The following NTRK2 variants were observed in gnomAD, a reference collection of about 807,000 sequenced individuals.
NTRK2 encodes the protein BDNF/NT-3 growth factors receptor.
A neutral mutation model predicts 94.5 loss-of-function variants in NTRK2; 13 were observed. The observed-to-expected ratio is 0.14, with a 90% CI of 0.09 to 0.22. NTRK2 has a LOEUF of 0.22. NTRK2 is among the 10% of genes least tolerant of loss of function. The pLI, the probability that NTRK2 is intolerant of heterozygous loss-of-function variation, is 1.00. For synonymous variants in NTRK2, 372 were observed against 407.4 expected (o/e 0.91, Z 1.05); for missense variants, 639 against 1,071.2 (o/e 0.60, Z 5.63).
intron 9 of NTRK2, among the ~76,000 whole-genome samples, chr9:84,740,285 C>T (rs2063548481): frequency 6.6e-6 from 1 of 152,150 alleles, no homozygotes; most frequent in Non-Finnish European, 1.5e-5. Flanking sequence ...TTGAGTTAGC[C>T]CTCAAACTAC....
chr9:84,714,514 G>A (rs1238450843), intron 6 of NTRK2, among the ~76,000 whole-genome samples: 1 of 152,152 alleles, frequency 6.6e-6, no homozygotes, highest in African/African-American at 2.4e-5. Context: ...GGATAAGAAA[G>A]GGAGCCTTCA....
chr9:84,951,768 C>A (rs1003362298), intron 16 of NTRK2, among the ~76,000 whole-genome samples: 1 of 152,178 alleles, frequency 6.6e-6, no homozygotes, highest in East Asian at 1.9e-4. Flanking sequence ...TTCTCAGGTG[C>A]ACTAACATGC....
intron 4 of NTRK2, among the ~76,000 whole-genome samples, chr9:84,706,527 GTTTTTTT>G (rs71369141): frequency 1.6e-4 from 13 of 81,678 alleles, no homozygotes; most frequent in African/African-American, 6.2e-4. Flanking sequence ...TTTTGTTTTT[GTTTTTTT>G]TTTTTTTTTT....
intron 4 of NTRK2, among the ~76,000 whole-genome samples, chr9:84,707,530 A>G (rs1429038406): frequency 1.3e-5 from 2 of 152,196 alleles, no homozygotes; most frequent in African/African-American, 4.8e-5. Context: ...TAATTGTTCA[A>G]AAGATCAGGG....
rs556856762 is a variant in NTRK2 at position 84,702,243 on chromosome 9, C to G, written c.287+10C>G. 15 of 1,613,662 alleles carry G rather than the reference C, an allele frequency of 9.3e-6. No individual in the cohort carries two copies. The highest frequency in any genetic ancestry group is 1.2e-5 in the Non-Finnish European group (14 of 1,179,658). ...TGGGACTGAGAAATCTGTGAGTACT[C>G]AGGACCAGGGCACATTATCTCAGAG... On this transcript the variant is annotated intron_variant, in intron 3 of 18. Transcript: ENST00000277120.
chr9:84,900,536 T>C (rs1365429907), intron 14 of NTRK2, among the ~76,000 whole-genome samples: 2 of 152,216 alleles, frequency 1.3e-5, no homozygotes, highest in African/African-American at 4.8e-5. Context: ...CATCTGTGGT[T>C]TCCTGTTCTT....
intron 14 of NTRK2, among the ~76,000 whole-genome samples, chr9:84,928,044 A>T (rs2077884944): frequency 6.6e-6 from 1 of 152,244 alleles, no homozygotes; most frequent in African/African-American, 2.4e-5. Flanking sequence ...AGAATGGCTC[A>T]GTCTTGTTAC....
chr9:84,988,767 A>C (rs1307371979), intron 17 of NTRK2, among the ~76,000 whole-genome samples: 1 of 152,246 alleles, frequency 6.6e-6, no homozygotes, highest in East Asian at 1.9e-4. Flanking sequence ...GGACCTTGGA[A>C]GGCAGGCAGC....
At chr9:84,676,545 C>G (rs1370655985) in intron 2 of NTRK2, among the ~76,000 whole-genome samples, 7 of 152,178 alleles carry the variant, frequency 4.6e-5, no homozygotes, top group Non-Finnish European at 1.0e-4. Flanking sequence ...TAGAAATGAT[C>G]TGCTTCAGCC....
chr9:84,967,972 T>A (rs1040744053), intron 17 of NTRK2, among the ~76,000 whole-genome samples: 1 of 152,144 alleles, frequency 6.6e-6, no homozygotes, highest in Admixed American at 6.5e-5. Context: ...TCTGGAAAAC[T>A]CATTAGACTT....
chr9:84,853,583 C>T lies in NTRK2; in HGVS notation c.1397-7457C>T, dbSNP rs112751603. ...ACATTTGCTATATTTAATATTGTTACGCTTTTTCAAAATTGTTGTTCTCAT... is the reference window on the plus strand; with the variant it reads ...ACATTTGCTATATTTAATATTGTTATGCTTTTTCAAAATTGTTGTTCTCAT... On this transcript the variant is annotated intron_variant, in intron 12 of 18. Coordinates refer to ENST00000277120, the MANE Select transcript of NTRK2 (RefSeq NM_006180.6). Among the ~76,000 whole-genome samples the T allele has an allele frequency of 2.7e-3, 410 of 152,304 alleles. 7 individuals carry two copies. The highest frequency in any genetic ancestry group is 0.023 in the Admixed American group (353 of 15,300).
intron 17 of NTRK2, among the ~76,000 whole-genome samples, chr9:84,999,095 C>T (rs1830071167): frequency 6.6e-6 from 1 of 152,226 alleles, no homozygotes; most frequent in Non-Finnish European, 1.5e-5. Context: ...AACCCAGGCA[C>T]TTATGTCACT....
intron 12 of NTRK2, among the ~76,000 whole-genome samples, chr9:84,773,474 G>A (rs941725517): frequency 1.2e-4 from 19 of 152,222 alleles, no homozygotes; most frequent in Non-Finnish European, 2.2e-4. Context: ...GGAGGGATTA[G>A]TGCGGGGTTC....
chr9:84,883,390 C>G (rs1169706823), intron 14 of NTRK2, among the ~76,000 whole-genome samples: 3 of 152,156 alleles, frequency 2.0e-5, no homozygotes, highest in Non-Finnish European at 4.4e-5. Context: ...CAGTACAATT[C>G]TTTTAGGTTT....
At chr9:84,721,015 G>A (rs185713301) in intron 6 of NTRK2, among the ~76,000 whole-genome samples, 12 of 152,322 alleles carry the variant, frequency 7.9e-5, no homozygotes, top group Admixed American at 5.9e-4. Context: ...GAAAGCATGT[G>A]TTATAGTTAT....
At chr9:84,976,729 A>C (rs770404979) in intron 17 of NTRK2, among the ~76,000 whole-genome samples, 5 of 151,478 alleles carry the variant, frequency 3.3e-5, no homozygotes, top group Non-Finnish European at 5.9e-5. Flanking sequence ...TGATCCCACA[A>C]AAAAAAAACT....
chr9:84,691,920 G>T (rs770181617), intron 2 of NTRK2, among the ~76,000 whole-genome samples: 2 of 152,150 alleles, frequency 1.3e-5, no homozygotes, highest in Non-Finnish European at 2.9e-5. Flanking sequence ...GCTGCAGAGG[G>T]CACCCCAAGT....
intron 5 of NTRK2, among the ~76,000 whole-genome samples, chr9:84,708,457 C>A (rs2061241888): frequency 1.8e-5 from 2 of 112,978 alleles, no homozygotes; most frequent in African/African-American, 5.8e-5. Context: ...TTTTAAGTCC[C>A]ATTTTCTTCT....
chr9:84,916,383 G>C (rs1024689658), intron 14 of NTRK2, among the ~76,000 whole-genome samples: 5 of 152,146 alleles, frequency 3.3e-5, no homozygotes, highest in Non-Finnish European at 7.4e-5. Context: ...GATAGGCAGG[G>C]TGGTTAAAAA....
Sources: allele counts gnomAD v4.1 joint callset (sites outside exome capture counted in the v4.1 genomes callset), GRCh38; gene constraint gnomAD v4.1.1; transcripts MANE v1.5; gene names NCBI Gene and HGNC (gene_info 2026-07-23, HGNC 2026-07-21).